TMEM64: variants seen among roughly 807,000 people sequenced by gnomAD.
The protein encoded by TMEM64 is transmembrane protein 64.
A neutral mutation model predicts 24.5 loss-of-function variants in TMEM64; 19 were observed. That is an observed-to-expected ratio of 0.78 (90% CI 0.54 to 1.14). TMEM64 has a LOEUF of 1.14. TMEM64 is among the 50% of genes most tolerant of loss of function. The pLI is 0.00. For synonymous variants in TMEM64, 262 were observed against 224.7 expected (o/e 1.17, Z -1.49); for missense variants, 487 against 493.0 (o/e 0.99, Z 0.12).
chr8:90,627,123 A>C (rs1456250881), intron 2 of TMEM64, among the ~76,000 whole-genome samples: 1 of 152,230 alleles, frequency 6.6e-6, no homozygotes, highest in Non-Finnish European at 1.5e-5. Flanking sequence ...TACAATTTCA[A>C]TGAAATCTAC....
rs1586133857 is a variant in TMEM64, at chr8:90,645,798, A to C, written c.108T>G (p.Gly36=). The C allele has an allele frequency of 9.8e-7, 1 of 1,023,542 alleles. No homozygotes were observed. The highest frequency in any genetic ancestry group is 5.8e-5 in the Admixed American group (1 of 17,298). The allele number at this position is 1,023,542 out of a possible 1,614,324, so 63.4% of individuals were successfully genotyped here. Residue 36 remains glycine (G), a synonymous_variant, in exon 1 of 3, where the codon GGT becomes GGG. Transcript: ENST00000458549. The surrounding 1 kb of genome is among the most constrained non-coding windows in gnomAD (Gnocchi z 4.2). Reference sequence around the variant, plus strand: ...GGTCCGCCGGGCCGTCCCCGCCCGCACCCCGCGGCAGGGCCCAGCGGGCCG... The same window carrying C: ...GGTCCGCCGGGCCGTCCCCGCCCGCCCCCCGCGGCAGGGCCCAGCGGGCCG... The part of the protein sequence containing the change: ...ELPARWALPR[G]AGGDGPADRL...
At chr8:90,644,737 T>C (rs1447933280) in intron 1 of TMEM64, among the ~76,000 whole-genome samples, 2 of 152,198 alleles carry the variant, frequency 1.3e-5, no homozygotes, top group Admixed American at 1.3e-4. Context: ...GATGTATTTA[T>C]GTAAGCAAGA....
chr8:90,644,837 C>T (rs1288049225), intron 1 of TMEM64, among the ~76,000 whole-genome samples: 1 of 152,196 alleles, frequency 6.6e-6, no homozygotes, highest in Non-Finnish European at 1.5e-5. Flanking sequence ...TCCCTGCATG[C>T]CTATTGTTAA....
At chr8:90,630,063 T>A (rs558638820) in intron 2 of TMEM64, among the ~76,000 whole-genome samples, 1 of 152,294 alleles carries the variant, frequency 6.6e-6, no homozygotes, top group East Asian at 1.9e-4. Flanking sequence ...CCAGTAAGTC[T>A]GGAGGACCAT....
At chr8:90,640,576 C>T (rs1438943415) in intron 1 of TMEM64, among the ~76,000 whole-genome samples, 2 of 152,142 alleles carry the variant, frequency 1.3e-5, no homozygotes, top group Non-Finnish European at 2.9e-5. Flanking sequence ...TAAGACAGAA[C>T]CAGAAGACCC....
chr8:90,645,710 G>A lies in TMEM64; in HGVS notation c.196C>T (p.Leu66Phe). 1.6e-6 allele frequency: 2 copies of A among 1,245,626 alleles called. No homozygotes were observed. The highest frequency in any genetic ancestry group is 3.2e-5 in the East Asian group (1 of 30,790). 77.2% of individuals were successfully genotyped at this position (1,245,626 alleles called of 1,614,324 possible). ...CCGTGGCGCTCCAGATAGGCGCCGAGCAGGGCGCCCGAGGCCGCCGCTGCT... is the reference window on the plus strand; with the variant it reads ...CCGTGGCGCTCCAGATAGGCGCCGAACAGGGCGCCCGAGGCCGCCGCTGCT... ...AAAAAASGAL[L>F]GAYLERHGPP... The change falls in exon 1 of 3, where the codon CTC becomes TTC. Residue 66 changes from leucine to phenylalanine, a missense_variant. Coordinates refer to ENST00000458549, the MANE Select transcript of TMEM64 (RefSeq NM_001008495.4). The surrounding 1 kb of genome is among the most constrained non-coding windows in gnomAD (Gnocchi z 4.2).
At chr8:90,644,053 A>G (rs1809648355) in intron 1 of TMEM64, among the ~76,000 whole-genome samples, 1 of 152,226 alleles carries the variant, frequency 6.6e-6, no homozygotes, top group Non-Finnish European at 1.5e-5. Context: ...AAACAAAATA[A>G]TGCATCAGAA....
chr8:90,635,798 A>G (rs964842885), intron 1 of TMEM64, among the ~76,000 whole-genome samples: 3 of 152,244 alleles, frequency 2.0e-5, no homozygotes, highest in Non-Finnish European at 4.4e-5. Flanking sequence ...ACAAAACATT[A>G]CATATTATGG....
chr8:90,625,576 T>C lies in TMEM64; in HGVS notation c.*95A>G. 7 of 1,028,290 alleles carry C rather than the reference T, an allele frequency of 6.8e-6. No homozygotes were observed. Among genetic ancestry groups the C allele is most frequent in the African/African-American group, 3.2e-5 (2 of 62,618 alleles). 63.7% of individuals were successfully genotyped at this position (1,028,290 alleles called of 1,614,324 possible). The stretch of plus-strand genomic sequence containing the variant: ...AAACTAGTCAGTTTTGTTTGTGCTG[T>C]AATACAATTAGAACTTGTCTCTGCC... On this transcript the variant is annotated 3_prime_UTR_variant, in exon 3 of 3. Coordinates refer to ENST00000458549, the MANE Select transcript of TMEM64 (RefSeq NM_001008495.4).
chr8:90,631,554 G>A lies in TMEM64; in HGVS notation c.949C>T (p.Gln317Ter), dbSNP rs1243282124. 2.5e-6 allele frequency: 4 copies of A among 1,587,798 alleles called. No homozygotes were observed. The African/African-American group carries it at 4.0e-5, about 16-fold the overall frequency. ...ACAACCCTTGGCCTTAAACTCACCTGTAAACAAAAAACAAAATATCCACTA... is the reference window on the plus strand; with the variant it reads ...ACAACCCTTGGCCTTAAACTCACCTATAAACAAAAAACAAAATATCCACTA... Reference protein sequence around the residue: ...SVSGYFVFCLQIIISIGLMFY... With the variant: ...SVSGYFVFCL The change falls in exon 2 of 3, where the codon CAG becomes TAG. Residue 317 changes from glutamine to a stop codon, truncating the protein, a stop_gained and splice_region_variant. Coordinates refer to ENST00000458549, the MANE Select transcript of TMEM64 (RefSeq NM_001008495.4). LOFTEE classifies it high-confidence loss of function.
rs1051153815 is a variant in TMEM64 at position 90,622,236 on chromosome 8, T to G, written c.*3435A>C. The G allele has an allele frequency of 1.3e-5, 2 of 152,216 alleles. No individual in the cohort carries two copies. The highest frequency in any genetic ancestry group is 4.8e-5 in the African/African-American group (2 of 41,464). 9.4% of individuals were successfully genotyped at this position (152,216 alleles called of 1,614,324 possible). ...GAACTCCTGAGTTTTAAATATCCTG[T>G]GGAACAGTGATTCCTCTCCCTTCTA... On this transcript the variant is annotated 3_prime_UTR_variant, in exon 3 of 3. Transcript: ENST00000458549.
chr8:90,632,810 G>A (rs1042922706), intron 1 of TMEM64, among the ~76,000 whole-genome samples: 1 of 152,076 alleles, frequency 6.6e-6, no homozygotes, highest in African/African-American at 2.4e-5. Context: ...AAGTATCTAG[G>A]AAATACCTGG....
intron 2 of TMEM64, among the ~76,000 whole-genome samples, chr8:90,626,971 T>C (rs7824028): frequency 0.068 from 10,361 of 152,232 alleles, 1,138 homozygotes; most frequent in African/African-American, 0.23. Context: ...GTCTAAGCAG[T>C]GTACATTTTC....
chr8:90,626,570 G>A (rs1407391293), intron 2 of TMEM64, among the ~76,000 whole-genome samples: 2 of 151,344 alleles, frequency 1.3e-5, no homozygotes, highest in African/African-American at 4.9e-5. Flanking sequence ...ATTTAGGGAA[G>A]CTTCAGTTTC....
chr8:90,633,592 TAAAA>T (rs1328531742), intron 1 of TMEM64, among the ~76,000 whole-genome samples: 1 of 152,202 alleles, frequency 6.6e-6, no homozygotes, highest in Non-Finnish European at 1.5e-5. Flanking sequence ...GTTCAAATAG[TAAAA>T]AACTTATTTT....
rs1294221676 is a variant in TMEM64, at chr8:90,645,921, G to C, written c.-16C>G. 8.8e-7 allele frequency: 1 copy of C among 1,135,440 alleles called. No homozygotes were observed. Among genetic ancestry groups the C allele is most frequent in the Non-Finnish European group, 1.1e-6 (1 of 925,306 alleles). 70.3% of individuals were successfully genotyped at this position (1,135,440 alleles called of 1,614,324 possible). On this transcript the variant is annotated 5_prime_UTR_variant, in exon 1 of 3. Transcript: ENST00000458549. The surrounding 1 kb of genome is among the most constrained non-coding windows in gnomAD (Gnocchi z 4.2). ...GGCTCCGCATGCCTCGGCCCAGCGC[G>C]GGCCCTCAGCCGGCCAGCCCCTCCG...
At chr8:90,630,414 C>G (rs145260780) in intron 2 of TMEM64, among the ~76,000 whole-genome samples, 1,995 of 152,214 alleles carry the variant, frequency 0.013, 14 homozygotes, top group Non-Finnish European at 0.019. Flanking sequence ...AGAGGGCTGA[C>G]TATATTCTAC....
intron 1 of TMEM64, among the ~76,000 whole-genome samples, chr8:90,644,109 C>T (rs1809649437): frequency 6.8e-6 from 1 of 146,182 alleles, no homozygotes; most frequent in Non-Finnish European, 1.5e-5. Context: ...GCAATTATCT[C>T]TTTATTTCAG....
intron 2 of TMEM64, among the ~76,000 whole-genome samples, chr8:90,630,690 T>C (rs1484655555): frequency 6.6e-6 from 1 of 151,742 alleles, no homozygotes; most frequent in Non-Finnish European, 1.5e-5. Context: ...CTCAAGATAA[T>C]AAACATCTGA....
Sources: gnomAD v4.1 joint callset for allele counts (sites outside exome capture counted in the v4.1 genomes callset) on GRCh38, gnomAD v4.1.1 for gene constraint, Gnocchi (gnomAD v3.1) non-coding constraint, MANE v1.5 for transcripts, NCBI Gene and HGNC (gene_info 2026-07-23, HGNC 2026-07-21) for gene names.